The following CADM2 variants were observed in gnomAD, a reference collection of about 807,000 sequenced individuals.
CADM2 encodes immunoglobulin superfamily member 4D.
Under a neutral mutation model 49.8 loss-of-function variants are expected in CADM2, and 12 were observed. The ratio of observed to expected loss-of-function variants is 0.24; its 90% CI spans 0.15 to 0.39. The LOEUF (loss-of-function observed/expected upper bound fraction) is 0.39. Ranked by LOEUF, CADM2 falls within the 10% of genes least tolerant of loss-of-function variation. The pLI is 1.00. For missense variants in CADM2, 378 were observed against 492.3 expected, an observed-to-expected ratio of 0.77 and a Z score of 2.20; for synonymous variants, 214 against 175.4, an observed-to-expected ratio of 1.22 and a Z score of -1.74.
At chr3:85,042,744 A>C (rs2035491898) in intron 1 of CADM2, among the ~76,000 whole-genome samples, 1 of 152,166 alleles carries the variant, frequency 6.6e-6, no homozygotes, top group Admixed American at 6.5e-5. Flanking sequence ...GGTCTCTTCC[A>C]AACAACTTTC....
chr3:85,694,067 T>A (rs966293034), intron 1 of CADM2, among the ~76,000 whole-genome samples: 5 of 152,204 alleles, frequency 3.3e-5, no homozygotes, highest in African/African-American at 4.8e-5. Flanking sequence ...TTTGACTTTT[T>A]AGCACTTTTT....
intron 1 of CADM2, among the ~76,000 whole-genome samples, chr3:85,714,370 T>C (rs2067214156): frequency 1.3e-5 from 2 of 152,178 alleles, no homozygotes; most frequent in South Asian, 4.1e-4. Context: ...AAAAGCTAAG[T>C]ACTTCTCTTA....
intron 1 of CADM2, among the ~76,000 whole-genome samples, chr3:85,383,056 G>C (rs949246964): frequency 1.3e-5 from 2 of 152,108 alleles, no homozygotes; most frequent in African/African-American, 4.8e-5. Context: ...AATCCCAGCA[G>C]CCATACTTGA....
At chr3:86,034,334 T>C (rs917220319) in intron 8 of CADM2, among the ~76,000 whole-genome samples, 1 of 151,996 alleles carries the variant, frequency 6.6e-6, no homozygotes, top group Non-Finnish European at 1.5e-5. Context: ...CTTTGGGAAC[T>C]GATTAGGTCA....
At chr3:85,380,830 G>C (rs1049410983) in intron 1 of CADM2, among the ~76,000 whole-genome samples, 7 of 151,860 alleles carry the variant, frequency 4.6e-5, no homozygotes, top group Non-Finnish European at 8.8e-5. Flanking sequence ...ATCATAAGGA[G>C]CTGTAAAAAG....
chr3:85,987,386 G>T (rs190482174), intron 8 of CADM2, among the ~76,000 whole-genome samples: 4 of 151,078 alleles, frequency 2.6e-5, no homozygotes, highest in Non-Finnish European at 5.9e-5. Context: ...AAATAAACAG[G>T]TCTATTTATA....
intron 1 of CADM2, among the ~76,000 whole-genome samples, chr3:85,633,146 A>T (rs1419202493): frequency 6.6e-6 from 1 of 152,078 alleles, no homozygotes; most frequent in Non-Finnish European, 1.5e-5. Flanking sequence ...TCTTTTGAGA[A>T]TTAAACCATG....
intron 1 of CADM2, among the ~76,000 whole-genome samples, chr3:85,312,368 A>G (rs72921357): frequency 0.095 from 14,405 of 152,190 alleles, 1,408 homozygotes; most frequent in African/African-American, 0.25. Context: ...TAGGATGACA[A>G]TGTTGCATCA....
intron 1 of CADM2, among the ~76,000 whole-genome samples, chr3:85,296,660 G>T (rs1318635126): frequency 6.6e-6 from 1 of 151,944 alleles, no homozygotes; most frequent in Non-Finnish European, 1.5e-5. Flanking sequence ...GAATAAAATT[G>T]TCTCCCAAAC....
intron 2 of CADM2, among the ~76,000 whole-genome samples, chr3:85,733,802 C>G (rs145636651): frequency 6.6e-6 from 1 of 152,236 alleles, no homozygotes; most frequent in East Asian, 1.9e-4. Flanking sequence ...CACATCTCAT[C>G]TGAAAGGCAA....
chr3:85,712,030 T>C (rs1008331602), intron 1 of CADM2, among the ~76,000 whole-genome samples: 5 of 152,174 alleles, frequency 3.3e-5, no homozygotes, highest in Admixed American at 3.3e-4. Flanking sequence ...GAATCCAGAA[T>C]GTATTTCTGT....
intron 1 of CADM2, among the ~76,000 whole-genome samples, chr3:85,587,246 C>T (rs1190171733): frequency 6.6e-6 from 1 of 151,954 alleles, no homozygotes; most frequent in Non-Finnish European, 1.5e-5. Flanking sequence ...TAGACATAAA[C>T]GAAGCCCAAG....
intron 3 of CADM2, among the ~76,000 whole-genome samples, chr3:85,810,625 T>C (rs1189889558): frequency 6.7e-6 from 1 of 149,054 alleles, no homozygotes; most frequent in Non-Finnish European, 1.5e-5. Flanking sequence ...CTGCAACCTC[T>C]GCTTCCCAGG....
intron 6 of CADM2, among the ~76,000 whole-genome samples, chr3:85,918,891 T>C (rs2108498614): frequency 6.6e-6 from 1 of 152,232 alleles, no homozygotes; most frequent in East Asian, 1.9e-4. Flanking sequence ...ATGAGTCAGA[T>C]ATTATTTAAA....
intron 1 of CADM2, among the ~76,000 whole-genome samples, chr3:85,133,290 C>T (rs937845771): frequency 1.3e-5 from 2 of 152,204 alleles, no homozygotes; most frequent in African/African-American, 4.8e-5. Flanking sequence ...ATTCTCTTAT[C>T]TGGCCCCACT....
chr3:85,921,188 A>AT (rs1257694327), intron 6 of CADM2, among the ~76,000 whole-genome samples: 1 of 152,110 alleles, frequency 6.6e-6, no homozygotes, highest in Admixed American at 6.5e-5. Context: ...TTAATAACTT[A>AT]TTCTACTTTA....
At chr3:85,993,254 C>G (rs1414415084) in intron 8 of CADM2, 2 of 152,190 alleles carry the variant, frequency 1.3e-5, no homozygotes, top group African/African-American at 4.8e-5. Flanking sequence ...TAGATTTCAG[C>G]TTAAGAAATC....
intron 1 of CADM2, among the ~76,000 whole-genome samples, chr3:85,657,503 A>G (rs904279458): frequency 4.6e-5 from 7 of 151,862 alleles, no homozygotes; most frequent in Non-Finnish European, 8.8e-5. Flanking sequence ...GTCTCAAATG[A>G]CATCATTAGA....
chr3:85,370,730 A>G (rs376471472), intron 1 of CADM2, among the ~76,000 whole-genome samples: 4 of 152,124 alleles, frequency 2.6e-5, no homozygotes, highest in African/African-American at 9.7e-5. Context: ...ACTGTAAAAC[A>G]GCCTGAGGCA....
Sources: gnomAD v4.1 joint callset for allele counts (sites outside exome capture counted in the v4.1 genomes callset) on GRCh38, gnomAD v4.1.1 for gene constraint, MANE v1.5 for transcripts, NCBI Gene and HGNC (gene_info 2026-07-23, HGNC 2026-07-21) for gene names.